Variants in KCNC1 observed in about 807,000 individuals in gnomAD.
The protein encoded by KCNC1 is voltage-gated potassium channel KCNC1.
Under a neutral mutation model 43.4 loss-of-function variants are expected in KCNC1, and 8 were observed. The ratio of observed to expected loss-of-function variants is 0.18; its 90% CI spans 0.11 to 0.33. The LOEUF is 0.33. KCNC1 is among the 10% of genes least tolerant of loss of function. The probability of loss-of-function intolerance (pLI) is 1.00; values close to 1 mark genes in which losing one functional copy is unlikely to be tolerated. For synonymous variants in KCNC1, 361 were observed against 360.5 expected (o/e 1.00, Z -0.01); for missense variants, 420 against 836.0 (o/e 0.50, Z 6.14).
chr11:17,745,630 C>T (rs926965471), intron 1 of KCNC1, among the ~76,000 whole-genome samples: 1 of 152,122 alleles, frequency 6.6e-6, no homozygotes, highest in Non-Finnish European at 1.5e-5. Context: ...CTTGAGTGCC[C>T]CACACCCAGC....
chr11:17,772,096 G>A lies in KCNC1; in HGVS notation c.1002G>A (p.Leu334=), dbSNP rs763244916. ...GCCACTTTGTGGGCCTGCGGGTCCT[G>A]GGCCACACGCTCCGAGCCAGCACCA... ...LTRHFVGLRV[L]GHTLRASTNE... is the part of the protein sequence containing the mutation. The change falls in exon 2 of 4, where the codon CTG becomes CTA. Residue 334 remains leucine, a synonymous_variant. Transcript: ENST00000265969. 9.9e-6 allele frequency: 16 copies of A among 1,613,764 alleles called. No homozygotes were observed. In the East Asian group the frequency reaches 2.2e-4, roughly 22 times the overall value.
chr11:17,737,776 A>G (rs1387777778), intron 1 of KCNC1, among the ~76,000 whole-genome samples: 1 of 152,178 alleles, frequency 6.6e-6, no homozygotes, highest in African/African-American at 2.4e-5. Flanking sequence ...TACCAGGCAA[A>G]GCACTGCCTC....
At chr11:17,767,839 C>T (rs555913553) in intron 1 of KCNC1, among the ~76,000 whole-genome samples, 52 of 152,338 alleles carry the variant, frequency 3.4e-4, no homozygotes, top group African/African-American at 9.9e-4. Flanking sequence ...GCTTCTGCTG[C>T]CTGCTCCCCA....
chr11:17,743,281 C>T (rs1848862192), intron 1 of KCNC1, among the ~76,000 whole-genome samples: 1 of 152,188 alleles, frequency 6.6e-6, no homozygotes, highest in African/African-American at 2.4e-5. Flanking sequence ...GGAGCTCTAT[C>T]TGTAACTATT....
chr11:17,781,449 AG>A lies in KCNC1; in HGVS notation c.1694-220del. On this transcript the variant is annotated intron_variant, in intron 3 of 3. Coordinates refer to ENST00000265969, the MANE Select transcript of KCNC1 (RefSeq NM_001112741.2). This position sits in a 1 kb window ranked among gnomAD's most constrained non-coding sequence, Gnocchi z 5.1. ...CATGCAGGTGTGTGAGTCAATGTGC[AG>A]AGCAGAAGTAGGGACTCATCCCATT... is the stretch of plus-strand genomic sequence containing the variant. 1.9e-6 allele frequency: 1 copy of A among 532,940 alleles called. No homozygotes were observed. The highest frequency in any genetic ancestry group is 3.3e-6 in the Non-Finnish European group (1 of 302,520). The allele number at this position is 532,940 out of a possible 1,614,324, so 33.0% of individuals were successfully genotyped here.
At chr11:17,759,999 C>T (rs1849060443) in intron 1 of KCNC1, among the ~76,000 whole-genome samples, 2 of 152,174 alleles carry the variant, frequency 1.3e-5, no homozygotes, top group South Asian at 4.2e-4. Context: ...TCTGCATATC[C>T]TATATGGAGC....
In KCNC1 at chr11:17,781,637, A is replaced by C. The variant is rs886393883; in HGVS notation, c.1694-33A>C. On this transcript the variant is annotated intron_variant, in intron 3 of 3. Coordinates refer to ENST00000265969, the MANE Select transcript of KCNC1 (RefSeq NM_001112741.2). This position sits in a 1 kb window ranked among gnomAD's most constrained non-coding sequence, Gnocchi z 5.1. The stretch of plus-strand genomic sequence containing the variant: ...GCGGGATGGGAGAGCCAAGAAGAGA[A>C]GCTCAAGTGTTAATTGTATTCTTTA... 29 of 1,451,682 alleles carry C rather than the reference A, an allele frequency of 2.0e-5. No homozygotes were observed. Among genetic ancestry groups the C allele is most frequent in the Non-Finnish European group, 2.6e-5 (28 of 1,056,882 alleles). The allele number at this position is 1,451,682 out of a possible 1,614,324, so 89.9% of individuals were successfully genotyped here.
In KCNC1 at chr11:17,781,304, A is replaced by G; in HGVS notation, c.1694-366A>G. 1 of 219,774 alleles carries G rather than the reference A, an allele frequency of 4.6e-6. No homozygotes were observed. The highest frequency in any genetic ancestry group is 9.0e-6 in the Non-Finnish European group (1 of 111,566). 13.6% of individuals were successfully genotyped at this position (219,774 alleles called of 1,614,324 possible). A position where few individuals can be genotyped will look rare whatever the true frequency, so the allele number is the denominator to read the frequency against. On this transcript the variant is annotated intron_variant, in intron 3 of 3. Coordinates refer to ENST00000265969, the MANE Select transcript of KCNC1 (RefSeq NM_001112741.2). The surrounding 1 kb of genome is among the most constrained non-coding windows in gnomAD (Gnocchi z 5.1). ...AGTCCCACCGAGGCTTAGGTGCCAG[A>G]GTCTTTGGGAGGCGCTAAGGGTGAA... is the stretch of plus-strand genomic sequence containing the variant.
chr11:17,778,002 C>A (rs977498713), intron 2 of KCNC1, among the ~76,000 whole-genome samples: 8 of 152,176 alleles, frequency 5.3e-5, no homozygotes, highest in Admixed American at 1.3e-4. Context: ...CTTTTCCCCC[C>A]ACTCTACTCT....
rs1849225472 is a variant in KCNC1 at position 17,771,341 on chromosome 11, A to G, written c.571-324A>G. On this transcript the variant is annotated intron_variant, in intron 1 of 3. Coordinates refer to ENST00000265969, the MANE Select transcript of KCNC1 (RefSeq NM_001112741.2). This position sits in a 1 kb window ranked among gnomAD's most constrained non-coding sequence, Gnocchi z 4.7. The stretch of plus-strand genomic sequence containing the variant: ...GAAATTTATTTCCCACTCAGGTAAC[A>G]GTTCAATGTGGGTATGTGGCTGATG... 6.6e-6 allele frequency among the ~76,000 whole-genome samples: 1 copy of G among 152,238 alleles called. No individual in the cohort carries two copies.
chr11:17,776,794 C>G lies in KCNC1; in HGVS notation c.1505-2662C>G. On this transcript the variant is annotated intron_variant, in intron 2 of 3. Transcript: ENST00000265969. The surrounding 1 kb of genome is among the most constrained non-coding windows in gnomAD (Gnocchi z 4.4). ...TATTCATGGGTTCCCCAGATTTATA[C>G]AGTTGGCCCCTCGTTGGTTTCTCTT... 2 of 985,474 alleles carry G rather than the reference C, an allele frequency of 2.0e-6. No homozygotes were observed. The highest frequency in any genetic ancestry group is 2.4e-6 in the Non-Finnish European group (2 of 830,020). The allele number at this position is 985,474 out of a possible 1,614,324, so 61.0% of individuals were successfully genotyped here.
At chr11:17,741,953 C>A (rs1236459168) in intron 1 of KCNC1, among the ~76,000 whole-genome samples, 3 of 152,238 alleles carry the variant, frequency 2.0e-5, no homozygotes, top group Non-Finnish European at 4.4e-5. Context: ...AGAACCAGGG[C>A]CCTTCCTGGG....
intron 1 of KCNC1, among the ~76,000 whole-genome samples, chr11:17,751,902 T>G (rs1201161714): frequency 2.6e-5 from 4 of 152,102 alleles, no homozygotes; most frequent in Non-Finnish European, 5.9e-5. Flanking sequence ...GTCCCCAGCC[T>G]TGGTGAGTGA....
intron 1 of KCNC1, among the ~76,000 whole-genome samples, chr11:17,763,495 CCA>C (rs1440568232): frequency 1.6e-4 from 25 of 151,560 alleles, no homozygotes; most frequent in African/African-American, 6.1e-4. Flanking sequence ...GCACTGCCCC[CCA>C]CACACACTCC....
Position 17,779,589 on chromosome 11 carries a change from C to T in KCNC1, c.1638C>T (p.Cys546=). The T allele has an allele frequency of 6.4e-7, 1 of 1,551,450 alleles. No individual in the cohort carries two copies. Among genetic ancestry groups the T allele is most frequent in the Non-Finnish European group, 8.7e-7 (1 of 1,146,946 alleles). ...RSGTRERYGP[C]FLLSTGEYAC... The stretch of plus-strand genomic sequence containing the variant: ...GCACCCGCGAGAGATACGGACCCTG[C>T]TTCCTCTTATCAACCGGGGAGTACG... Residue 546 remains cysteine, a synonymous_variant, in exon 3 of 4, where the codon TGC becomes TGT. Transcript: ENST00000265969. The surrounding 1 kb of genome is among the most constrained non-coding windows in gnomAD (Gnocchi z 7.2).
intron 1 of KCNC1, among the ~76,000 whole-genome samples, chr11:17,770,241 A>G (rs1484162292): frequency 3.3e-5 from 5 of 152,238 alleles, no homozygotes; most frequent in African/African-American, 7.2e-5. Flanking sequence ...CAAATGATCT[A>G]TGAGGGCAGG....
rs1849362160 is a variant in KCNC1, at chr11:17,782,859, T to C, written c.*1125T>C. The C allele has an allele frequency of 6.6e-6, 1 of 151,734 alleles. No individual in the cohort carries two copies. Among genetic ancestry groups the C allele is most frequent in the African/African-American group, 2.4e-5 (1 of 41,268 alleles). 9.4% of individuals were successfully genotyped at this position (151,734 alleles called of 1,614,324 possible). A position where few individuals can be genotyped will look rare whatever the true frequency, so the allele number is the denominator to read the frequency against. On this transcript the variant is annotated 3_prime_UTR_variant, in exon 4 of 4. Transcript: ENST00000265969. Reference sequence around the variant, plus strand: ...AGAGGACAGTAGCTTGGCTTTGGTCTGATTCTAAAATTAGTGGGGTGGGGG... The same window carrying C: ...AGAGGACAGTAGCTTGGCTTTGGTCCGATTCTAAAATTAGTGGGGTGGGGG...
chr11:17,777,483 A>G lies in KCNC1; in HGVS notation c.1505-1973A>G. On this transcript the variant is annotated intron_variant, in intron 2 of 3. Coordinates refer to ENST00000265969, the MANE Select transcript of KCNC1 (RefSeq NM_001112741.2). The surrounding 1 kb of genome is among the most constrained non-coding windows in gnomAD (Gnocchi z 4.3). ...CATACTGTTTCCCTCCCCTCTCCCAACACCCTCCTCCCTCAGCCCGGAGAC... is the reference window on the plus strand; with the variant it reads ...CATACTGTTTCCCTCCCCTCTCCCAGCACCCTCCTCCCTCAGCCCGGAGAC... 1.0e-6 allele frequency: 1 copy of G among 985,546 alleles called. No individual in the cohort carries two copies. Among genetic ancestry groups the G allele is most frequent in the Non-Finnish European group, 1.2e-6 (1 of 829,942 alleles). The allele number at this position is 985,546 out of a possible 1,614,324, so 61.1% of individuals were successfully genotyped here.
At position 17,736,566 on chromosome 11, in the gene KCNC1, C is replaced by T. The variant is rs1404328793; in HGVS notation, c.564C>T (p.Tyr188=). 3.3e-6 allele frequency: 5 copies of T among 1,534,082 alleles called. No individual in the cohort carries two copies. Among genetic ancestry groups the T allele is most frequent in the Non-Finnish European group, 3.5e-6 (4 of 1,151,128 alleles). ...TCGAGGACCCGTACTCGTCCCGCTA[C>T]GCGCGGGTAAGTGACAATTTACCCA... ...ALFEDPYSSR[Y]ARYVAFASLF... Residue 188 remains tyrosine (Y), a synonymous_variant, in exon 1 of 4, where the codon TAC becomes TAT. Coordinates refer to ENST00000265969, the MANE Select transcript of KCNC1 (RefSeq NM_001112741.2). This position sits in a 1 kb window ranked among gnomAD's most constrained non-coding sequence, Gnocchi z 9.3.
Sources: allele counts gnomAD v4.1 joint callset (sites outside exome capture counted in the v4.1 genomes callset), GRCh38; gene constraint gnomAD v4.1.1; non-coding constraint Gnocchi (gnomAD v3.1); transcripts MANE v1.5; gene names NCBI Gene and HGNC (gene_info 2026-07-23, HGNC 2026-07-21).